C12orf54: variants seen among roughly 807,000 people sequenced by gnomAD.
The protein encoded by C12orf54 is chromosome 12 open reading frame 54, also known as uncharacterized protein C12orf54.
In C12orf54, 24 loss-of-function variants were observed where a neutral mutation model predicts 26.4. The ratio of observed to expected loss-of-function variants is 0.91; its 90% CI spans 0.66 to 1.28. The LOEUF is 1.28. Among genes scored for constraint, C12orf54 ranks in the 50% most tolerant of loss-of-function variants. The pLI is 0.00. For missense variants in C12orf54, 154 were observed against 150.9 expected, an observed-to-expected ratio of 1.02 and a Z score of -0.11; for synonymous variants, 54 against 47.0, an observed-to-expected ratio of 1.15 and a Z score of -0.61.
the C12orf54 span, among the ~76,000 whole-genome samples, chr12:48,452,048 C>A: frequency 6.6e-6 from 1 of 152,066 alleles, no homozygotes; most frequent in African/African-American, 2.4e-5. Context: ...GCAAAAAGAA[C>A]AAAGCTGGAA....
At chr12:48,453,849 G>C in the C12orf54 span, among the ~76,000 whole-genome samples, 1 of 151,114 alleles carries the variant, frequency 6.6e-6, no homozygotes, top group Admixed American at 6.6e-5. Flanking sequence ...ACATGTAATC[G>C]TTCACAGCTC....
At chr12:48,436,674 C>G in the C12orf54 span, among the ~76,000 whole-genome samples, 17 of 152,182 alleles carry the variant, frequency 1.1e-4, no homozygotes, top group East Asian at 7.7e-4. Flanking sequence ...ATAACGAAAT[C>G]AAGGCAGAAA....
At chr12:48,439,664 G>T in the C12orf54 span, among the ~76,000 whole-genome samples, 4 of 152,068 alleles carry the variant, frequency 2.6e-5, no homozygotes, top group Admixed American at 6.5e-5. Context: ...ACCAAACACC[G>T]CATGTTCTCA....
chr12:48,479,880 T>A (rs1375057410), upstream of C12orf54, among the ~76,000 whole-genome samples: 1 of 152,164 alleles, frequency 6.6e-6, no homozygotes, highest in Non-Finnish European at 1.5e-5. Flanking sequence ...TTTCATACAA[T>A]TTTTTGGGGG....
the C12orf54 span, among the ~76,000 whole-genome samples, chr12:48,445,793 T>C: frequency 2.6e-5 from 4 of 152,218 alleles, no homozygotes; most frequent in East Asian, 7.7e-4. Context: ...AATCATCAAA[T>C]TCTCTTTTCT....
the C12orf54 span, among the ~76,000 whole-genome samples, chr12:48,475,606 C>T: frequency 6.6e-6 from 1 of 152,120 alleles, no homozygotes; most frequent in Non-Finnish European, 1.5e-5. Flanking sequence ...AATGCAGAAG[C>T]CTCACTAGCT....
In C12orf54 at chr12:48,494,989, C is replaced by G. The variant is rs769854938; in HGVS notation, c.*40+10C>G. The G allele has an allele frequency of 6.3e-7, 1 of 1,581,016 alleles. No homozygotes were observed. The highest frequency in any genetic ancestry group is 1.1e-5 in the South Asian group (1 of 89,490). On this transcript the variant is annotated intron_variant, in intron 8 of 8. Transcript: ENST00000548364. ...TCTCTGCTTCCGCCAGGTGCTTTAC[C>G]CAAGCAGCCTTTCCCCTGAGCTCCA...
chr12:48,494,142 C>T (rs1432746646), intron 7 of C12orf54, among the ~76,000 whole-genome samples: 1 of 148,322 alleles, frequency 6.7e-6, no homozygotes, highest in African/African-American at 2.5e-5. Flanking sequence ...TCACTTGAAC[C>T]CAGGAGGCAG....
the C12orf54 span, among the ~76,000 whole-genome samples, chr12:48,458,317 A>C: frequency 6.6e-6 from 1 of 152,230 alleles, no homozygotes; most frequent in East Asian, 1.9e-4. Context: ...GGATCTAAAC[A>C]GTCAAAACTC....
At chr12:48,491,771 AC>A (rs896046277) in intron 6 of C12orf54, among the ~76,000 whole-genome samples, 4 of 152,314 alleles carry the variant, frequency 2.6e-5, no homozygotes, top group Non-Finnish European at 5.9e-5. Flanking sequence ...CATATCTGGA[AC>A]TTTTTTCTTC....
At chr12:48,426,677 A>G in the C12orf54 span, among the ~76,000 whole-genome samples, 1 of 152,194 alleles carries the variant, frequency 6.6e-6, no homozygotes, top group African/African-American at 2.4e-5. Context: ...TTTGAGCAGT[A>G]TAGTCATTGT....
intron 3 of C12orf54, 164 bp from the exon 4 acceptor site, chr12:48,486,524 A>T: frequency 1.4e-6 from 1 of 701,742 alleles, no homozygotes; most frequent in Non-Finnish European, 2.5e-6. Flanking sequence ...GAAATGATTC[A>T]CCAGGGCTGC....
chr12:48,420,452 T>A, the C12orf54 span, among the ~76,000 whole-genome samples: 1 of 152,354 alleles, frequency 6.6e-6, no homozygotes. Flanking sequence ...AAATTCTTTC[T>A]CTGCCTCTTT....
At chr12:48,495,847 T>C (rs886826144) in intron 8 of C12orf54, among the ~76,000 whole-genome samples, 3 of 152,150 alleles carry the variant, frequency 2.0e-5, no homozygotes, top group Admixed American at 6.5e-5. Context: ...TAAGATTATA[T>C]TTTGCTGAAT....
intron 2 of C12orf54, 197 bp downstream of exon 2, chr12:48,483,558 A>G (rs1954223374): frequency 1.9e-6 from 1 of 536,628 alleles, no homozygotes; most frequent in African/African-American, 1.9e-5. Context: ...TTGTCATTTT[A>G]ATTTAGAAAT....
the C12orf54 span, among the ~76,000 whole-genome samples, chr12:48,455,197 A>G: frequency 6.6e-6 from 1 of 152,102 alleles, no homozygotes; most frequent in African/African-American, 2.4e-5. Flanking sequence ...AACATGCACG[A>G]TTTGGTTTTC....
At chr12:48,479,179 A>G (rs11835288), upstream of C12orf54, among the ~76,000 whole-genome samples, 22,472 of 152,152 alleles carry the variant, frequency 0.15, 2,889 homozygotes, top group East Asian at 0.66. Flanking sequence ...ATACTATGCA[A>G]CCATAAAAAA....
chr12:48,431,118 A>G, the C12orf54 span, among the ~76,000 whole-genome samples: 1 of 152,160 alleles, frequency 6.6e-6, no homozygotes, highest in Non-Finnish European at 1.5e-5. Context: ...AGGCATAAGA[A>G]TGATACAATG....
intron 4 of C12orf54, chr12:48,487,806 GTTCTCACACT>G: frequency 2.2e-6 from 1 of 460,810 alleles, no homozygotes; most frequent in Non-Finnish European, 3.9e-6. Context: ...CCATCTTAAA[GTTCTCACACT>G]TTCTCCCAAG....
Sources: gnomAD v4.1 joint callset for allele counts (sites outside exome capture counted in the v4.1 genomes callset) on GRCh38, gnomAD v4.1.1 for gene constraint, MANE v1.5 for transcripts, NCBI Gene and HGNC (gene_info 2026-07-23, HGNC 2026-07-21) for gene names.